AGBL1: variants seen among roughly 807,000 people sequenced by gnomAD.
AGBL1 encodes the protein AGBL carboxypeptidase 1, also known as cytosolic carboxypeptidase 4.
A neutral mutation model predicts 118.9 loss-of-function variants in AGBL1; 130 were observed. The ratio of observed to expected loss-of-function variants is 1.09; its 90% CI spans 0.95 to 1.26. The LOEUF is 1.26. AGBL1 is among the 50% of genes most tolerant of loss of function. The pLI is 0.00. For synonymous variants in AGBL1, 555 were observed against 478.9 expected, an observed-to-expected ratio of 1.16 and a Z score of -2.08; for missense variants, 1,584 against 1,298.1, an observed-to-expected ratio of 1.22 and a Z score of -3.38.
chr15:86,174,402 A>G (rs2077454723), intron 5 of AGBL1, among the ~76,000 whole-genome samples: 1 of 152,058 alleles, frequency 6.6e-6, no homozygotes, highest in Non-Finnish European at 1.5e-5. Context: ...AAGAGAGACA[A>G]TTTGACTTTC....
chr15:86,761,310 A>G (rs1454378020), intron 22 of AGBL1, among the ~76,000 whole-genome samples: 1 of 152,056 alleles, frequency 6.6e-6, no homozygotes, highest in Admixed American at 6.6e-5. Flanking sequence ...AATTTGCACC[A>G]CTGCACTCCA....
At chr15:86,895,137 T>C (rs1052592820) in intron 22 of AGBL1, among the ~76,000 whole-genome samples, 4 of 144,894 alleles carry the variant, frequency 2.8e-5, no homozygotes, top group African/African-American at 1.0e-4. Flanking sequence ...TCTACTTTCT[T>C]CTCTTTCTCT....
Position 86,717,022 on chromosome 15 carries a change from A to G in AGBL1, c.3158+42586A>G, listed in dbSNP as rs143467105. On this transcript the variant is annotated intron_variant, in intron 22 of 22. Transcript: ENST00000614907. ...TGACTCAAAAAATATTTTGTGAATT[A>G]ATCCACATGAAGTGCTTCAGGCAAT... 1.2e-3 allele frequency among the ~76,000 whole-genome samples: 189 copies of G among 152,334 alleles called. 1 individual carries two copies. The highest frequency in any genetic ancestry group is 8.5e-3 in the Admixed American group (130 of 15,300).
chr15:86,396,190 T>C (rs1403271599), intron 17 of AGBL1, among the ~76,000 whole-genome samples: 1 of 147,738 alleles, frequency 6.8e-6, no homozygotes, highest in African/African-American at 2.5e-5. Flanking sequence ...TATATGTGTA[T>C]ATATATAAAA....
chr15:86,961,438 G>A (rs72755670), intron 23 of AGBL1, among the ~76,000 whole-genome samples: 5,935 of 152,088 alleles, frequency 0.039, 157 homozygotes, highest in Middle Eastern at 0.071. Flanking sequence ...ACCGACTTCA[G>A]TGGGGAGGGC....
chr15:86,874,381 G>GACAC (rs58756904), intron 22 of AGBL1, among the ~76,000 whole-genome samples: 11,580 of 148,934 alleles, frequency 0.078, 749 homozygotes, highest in East Asian at 0.29. Flanking sequence ...TTGTGGGTGG[G>GACAC]ACACACACAC....
intron 5 of AGBL1, among the ~76,000 whole-genome samples, chr15:86,184,820 A>G (rs1459563484): frequency 6.6e-6 from 1 of 152,202 alleles, no homozygotes; most frequent in Non-Finnish European, 1.5e-5. Context: ...AAGAGCCCGC[A>G]TTGCCAAGAC....
At chr15:86,929,879 A>G (rs187069015) in intron 23 of AGBL1, among the ~76,000 whole-genome samples, 5 of 152,328 alleles carry the variant, frequency 3.3e-5, no homozygotes, top group Admixed American at 2.0e-4. Context: ...TAAACTGGGT[A>G]AACTAGAATA....
chr15:86,701,778 T>G (rs1218387756), intron 22 of AGBL1, among the ~76,000 whole-genome samples: 1 of 142,364 alleles, frequency 7.0e-6, no homozygotes, highest in Non-Finnish European at 1.5e-5. Context: ...TTCACTCCTC[T>G]CCCCTCCCCA....
intron 17 of AGBL1, among the ~76,000 whole-genome samples, chr15:86,327,683 T>A (rs2080204537): frequency 2.6e-5 from 4 of 152,206 alleles, no homozygotes; most frequent in Admixed American, 2.0e-4. Context: ...AGGTGAGTCA[T>A]AGGAAATTCA....
chr15:86,304,146 T>C (rs928931226), intron 17 of AGBL1, among the ~76,000 whole-genome samples: 2 of 152,164 alleles, frequency 1.3e-5, no homozygotes, highest in African/African-American at 4.8e-5. Context: ...TAAACACTAA[T>C]AACCCTTATA....
intron 23 of AGBL1, among the ~76,000 whole-genome samples, chr15:86,971,899 A>G (rs114412811): frequency 0.016 from 2,416 of 151,804 alleles, 72 homozygotes; most frequent in African/African-American, 0.055. Context: ...TTCTCAGGAG[A>G]TCTAATGGTT....
intron 5 of AGBL1, among the ~76,000 whole-genome samples, chr15:86,183,935 C>A (rs766736355): frequency 1.1e-4 from 17 of 152,284 alleles, no homozygotes; most frequent in Non-Finnish European, 2.1e-4. Context: ...TGAGTCAGAT[C>A]CAGATGGCAG....
At chr15:86,879,936 A>G (rs144324238) in intron 22 of AGBL1, among the ~76,000 whole-genome samples, 29 of 152,244 alleles carry the variant, frequency 1.9e-4, no homozygotes, top group Admixed American at 3.3e-4. Context: ...TTGGGCAAAA[A>G]TCTGGGAGTT....
chr15:86,946,843 CA>C (rs11355715), intron 23 of AGBL1, among the ~76,000 whole-genome samples: 15,646 of 99,618 alleles, frequency 0.16, 1,255 homozygotes, highest in African/African-American at 0.38. Context: ...AAACTCGGTC[CA>C]AAAAAAAAAA....
In AGBL1 at chr15:86,970,558, C is replaced by G. The variant is rs181904988; in HGVS notation, c.3222-17429C>G. On this transcript the variant is annotated intron_variant, in intron 23 of 24. Coordinates refer to the AGBL1 transcript ENST00000441037. Reference sequence around the variant, plus strand: ...GTGGAGCAATGATTTGAACGCAGGCCTATTACAAATTGTCTTTATTTTCAG... The same window carrying G: ...GTGGAGCAATGATTTGAACGCAGGCGTATTACAAATTGTCTTTATTTTCAG... Among the ~76,000 whole-genome samples, 29 of 152,020 alleles carry G rather than the reference C, an allele frequency of 1.9e-4. No individual in the cohort carries two copies. The East Asian group carries it at 5.2e-3, about 27-fold the overall frequency.
At chr15:86,332,883 C>T (rs2080297365) in intron 17 of AGBL1, among the ~76,000 whole-genome samples, 1 of 152,056 alleles carries the variant, frequency 6.6e-6, no homozygotes, top group African/African-American at 2.4e-5. Flanking sequence ...TAAAAATCCT[C>T]TGCTCTCTCA....
chr15:86,996,830 C>T (rs1217535107), intron 24 of AGBL1, among the ~76,000 whole-genome samples: 1 of 151,856 alleles, frequency 6.6e-6, no homozygotes, highest in Non-Finnish European at 1.5e-5. Context: ...TTATTTAAAC[C>T]AAAATGAGAA....
chr15:86,932,398 T>C (rs922608627), intron 23 of AGBL1, among the ~76,000 whole-genome samples: 6 of 152,226 alleles, frequency 3.9e-5, no homozygotes, highest in Non-Finnish European at 2.9e-5. Context: ...GCAGTTCAGA[T>C]CTTTCAGGTT....
Sources: gnomAD v4.1 joint callset for allele counts (sites outside exome capture counted in the v4.1 genomes callset) on GRCh38, gnomAD v4.1.1 for gene constraint, MANE v1.5 for transcripts, NCBI Gene and HGNC (gene_info 2026-07-23, HGNC 2026-07-21) for gene names.